The following ZFPM1 variants were observed in gnomAD, a reference collection of about 807,000 sequenced individuals.
ZFPM1 encodes zinc finger protein, FOG family member 1.
In ZFPM1, 28 loss-of-function variants were observed where a neutral mutation model predicts 46.3. The ratio of observed to expected loss-of-function variants is 0.60; its 90% CI spans 0.45 to 0.83. ZFPM1 has a LOEUF of 0.83. Among genes scored for constraint, ZFPM1 ranks in the 40% least tolerant of loss-of-function variants. The pLI, the probability that ZFPM1 is intolerant of heterozygous loss-of-function variation, is 0.00. For missense variants in ZFPM1, 1,878 were observed against 1,432.4 expected (o/e 1.31, Z -5.02); for synonymous variants, 957 against 675.9 (o/e 1.42, Z -6.45).
intron 1 of ZFPM1, among the ~76,000 whole-genome samples, chr16:88,468,711 A>G (rs1908274618): frequency 1.4e-5 from 2 of 140,010 alleles, no homozygotes; most frequent in Non-Finnish European, 3.1e-5. Context: ...CCCCATGGCC[A>G]GGGCACCACT....
chr16:88,517,483 GAT>G (rs1491170488), intron 4 of ZFPM1, among the ~76,000 whole-genome samples: 1 of 135,020 alleles, frequency 7.4e-6, no homozygotes, highest in African/African-American at 3.1e-5. Flanking sequence ...TGGGTGGATG[GAT>G]GGATGGATGG....
At chr16:88,488,320 G>T (rs1222976364) in intron 2 of ZFPM1, among the ~76,000 whole-genome samples, 1 of 152,186 alleles carries the variant, frequency 6.6e-6, no homozygotes, top group Non-Finnish European at 1.5e-5. Flanking sequence ...GGAAGGAGCT[G>T]GAAAAAACAG....
In ZFPM1 at chr16:88,532,950, G is replaced by C. The variant is rs746952852; in HGVS notation, c.1189+15G>C. On this transcript the variant is annotated intron_variant, in intron 9 of 9. Transcript: ENST00000319555. ...GCTGCCCCCAGGTGAGCAGCCCTGT[G>C]GGGGCCACCCCTGCCCCTTAGGCCC... 3 of 1,612,428 alleles carry C rather than the reference G, an allele frequency of 1.9e-6. No homozygotes were observed.
chr16:88,464,874 C>T (rs1335743104), intron 1 of ZFPM1, among the ~76,000 whole-genome samples: 4 of 151,530 alleles, frequency 2.6e-5, no homozygotes, highest in Non-Finnish European at 5.9e-5. Context: ...AGCCCAGCCT[C>T]TCCACCCATT....
At chr16:88,467,693 G>A (rs1908200381) in intron 1 of ZFPM1, among the ~76,000 whole-genome samples, 2 of 152,192 alleles carry the variant, frequency 1.3e-5, no homozygotes, top group Non-Finnish European at 1.5e-5. Context: ...TGCTGGGCGT[G>A]TTGGGCACAG....
At chr16:88,464,561 C>T (rs889124145) in intron 1 of ZFPM1, among the ~76,000 whole-genome samples, 2 of 152,376 alleles carry the variant, frequency 1.3e-5, no homozygotes, top group Middle Eastern at 3.4e-3. Context: ...CCACACCCAG[C>T]TCCACCAAAA....
intron 3 of ZFPM1, among the ~76,000 whole-genome samples, chr16:88,508,507 C>T (rs566469620): frequency 5.8e-4 from 89 of 152,340 alleles, no homozygotes; most frequent in African/African-American, 1.9e-3. Context: ...TTGGGCTCCA[C>T]GTGGGTTCCC....
rs556789056 is a variant in ZFPM1, at chr16:88,532,219, C to A, written c.930C>A (p.His310Gln). ...CCAGCGCCAGCTCCCTGGAGATCCA[C>A]ATGCGCAGCCACAGCGGTGAGCCCC... ...SCPSASSLEIHMRSHSGERPF... is the reference protein window; with the variant it reads ...SCPSASSLEIQMRSHSGERPF... The change falls in exon 7 of 10, where the codon CAC becomes CAA. Residue 310 changes from histidine (H) to glutamine (Q), a missense_variant. Coordinates refer to ENST00000319555, the MANE Select transcript of ZFPM1 (RefSeq NM_153813.3). 1.9e-6 allele frequency: 3 copies of A among 1,604,234 alleles called. No individual in the cohort carries two copies. In the East Asian group the frequency reaches 6.7e-5, roughly 36 times the overall value.
Position 88,535,246 on chromosome 16 carries a change from C to A in ZFPM1, c.*267C>A. The A allele has an allele frequency of 3.3e-6, 1 of 306,242 alleles. No homozygotes were observed. Among genetic ancestry groups the A allele is most frequent in the Admixed American group, 5.2e-5 (1 of 19,058 alleles). The allele number at this position is 306,242 out of a possible 1,614,324, so 19.0% of individuals were successfully genotyped here. A position where few individuals can be genotyped will look rare whatever the true frequency, so the allele number is the denominator to read the frequency against. ...CATCCAGCCCTGCTGTGTACACAGGCCACTGCGGCCCGGAGTGGCTGGGCC... is the reference window on the plus strand; with the variant it reads ...CATCCAGCCCTGCTGTGTACACAGGACACTGCGGCCCGGAGTGGCTGGGCC... On this transcript the variant is annotated 3_prime_UTR_variant, in exon 10 of 10. Coordinates refer to ENST00000319555, the MANE Select transcript of ZFPM1 (RefSeq NM_153813.3).
chr16:88,520,542 CTGAAAGGATGGA>C (rs1911757660), intron 4 of ZFPM1, among the ~76,000 whole-genome samples: 1 of 101,900 alleles, frequency 9.8e-6, no homozygotes, highest in Non-Finnish European at 1.9e-5. Flanking sequence ...GGGTGGGTGG[CTGAAAGGATGGA>C]TGGATGGATG....
chr16:88,462,761 G>T (rs779270413), intron 1 of ZFPM1, among the ~76,000 whole-genome samples: 1 of 152,192 alleles, frequency 6.6e-6, no homozygotes, highest in Non-Finnish European at 1.5e-5. Flanking sequence ...TGGGGGTATC[G>T]TAAGGCACCA....
chr16:88,493,213 C>T (rs1315372498), intron 3 of ZFPM1, among the ~76,000 whole-genome samples: 15 of 110,806 alleles, frequency 1.4e-4, no homozygotes, highest in African/African-American at 3.4e-4. Context: ...GGAGCTGTCC[C>T]GGGGTGGGGA....
rs1310176220 is a variant in ZFPM1, at chr16:88,469,666, T to G, written c.40+15988T>G. Among the ~76,000 whole-genome samples, 3 of 152,232 alleles carry G rather than the reference T, an allele frequency of 2.0e-5. No homozygotes were observed. Among genetic ancestry groups the G allele is most frequent in the Admixed American group, 1.3e-4 (2 of 15,288 alleles). On this transcript the variant is annotated intron_variant, in intron 1 of 9. Coordinates refer to ENST00000319555, the MANE Select transcript of ZFPM1 (RefSeq NM_153813.3). This position sits in a 1 kb window ranked among gnomAD's most constrained non-coding sequence, Gnocchi z 4.3. ...AGGCTCCGCCGGCCTGAGACCTGGCTGGAGGCCCTGTCAGCTCCCACGGCA... is the reference window on the plus strand; with the variant it reads ...AGGCTCCGCCGGCCTGAGACCTGGCGGGAGGCCCTGTCAGCTCCCACGGCA...
chr16:88,454,536 C>G (rs151145065), intron 1 of ZFPM1, among the ~76,000 whole-genome samples: 2,605 of 152,272 alleles, frequency 0.017, 67 homozygotes, highest in African/African-American at 0.059. Flanking sequence ...CCCTGCACGC[C>G]ACTAAGTTTC....
chr16:88,534,978 G>A lies in ZFPM1; in HGVS notation c.3020G>A (p.Ter1007=). 1 of 1,430,978 alleles carries A rather than the reference G, an allele frequency of 7.0e-7. No individual in the cohort carries two copies. The highest frequency in any genetic ancestry group is 9.3e-7 in the Non-Finnish European group (1 of 1,077,258). 88.6% of individuals were successfully genotyped at this position (1,430,978 alleles called of 1,614,324 possible). ...TCGCACGCCGCCGAGCACGTGAAGT[G>A]AGCGCCCACACTACAGCCGCAGACG... ...CSSHAAEHVK[*] is the part of the protein sequence containing the mutation. Residue 1007 remains the stop codon, a stop_retained_variant, in exon 10 of 10, where the codon TGA becomes TAA. Coordinates refer to ENST00000319555, the MANE Select transcript of ZFPM1 (RefSeq NM_153813.3).
chr16:88,490,196 G>A (rs1194152021), intron 3 of ZFPM1, among the ~76,000 whole-genome samples: 2 of 152,110 alleles, frequency 1.3e-5, no homozygotes, highest in African/African-American at 2.4e-5. Context: ...TGGGACTACA[G>A]GTGCCTGCCA....
intron 4 of ZFPM1, among the ~76,000 whole-genome samples, chr16:88,524,258 G>A (rs1003122171): frequency 5.4e-4 from 83 of 152,304 alleles, no homozygotes; most frequent in African/African-American, 1.8e-3. Context: ...AGCGCTGCCC[G>A]CCTGGCTCGG....
chr16:88,489,119 G>A lies in ZFPM1; in HGVS notation c.234G>A (p.Thr78=), dbSNP rs139135934. The A allele has an allele frequency of 1.4e-4, 232 of 1,611,234 alleles. No homozygotes were observed. The highest frequency in any genetic ancestry group is 7.2e-4 in the African/African-American group (54 of 74,944). Residue 78 remains threonine (T), a synonymous_variant, in exon 3 of 10, where the codon ACG becomes ACA. Coordinates refer to ENST00000319555, the MANE Select transcript of ZFPM1 (RefSeq NM_153813.3). ...LEGQEPEPRP[T]EEEPGSPWSG... ...GACAGGAACCAGAACCCAGGCCCAC[G>A]GAGGAAGAGCCGGGCAGTCCCTGGA...
At chr16:88,521,727 CCCCTGTGCTGTTCCCACA>C (rs1385446510) in intron 4 of ZFPM1, among the ~76,000 whole-genome samples, 1 of 103,902 alleles carries the variant, frequency 9.6e-6, no homozygotes, top group East Asian at 3.5e-4. Flanking sequence ...TGTTCCCCCT[CCCCTGTGCTGTTCCCACA>C]CCCTGTGCTG....
Sources: allele counts gnomAD v4.1 joint callset (sites outside exome capture counted in the v4.1 genomes callset), GRCh38; gene constraint gnomAD v4.1.1; non-coding constraint Gnocchi (gnomAD v3.1); transcripts MANE v1.5; gene names NCBI Gene and HGNC (gene_info 2026-07-23, HGNC 2026-07-21).